BRWD3: variants seen among roughly 807,000 people sequenced by gnomAD.
BRWD3 encodes bromodomain and WD repeat domain containing 3, also known as bromodomain and WD repeat-containing protein 3.
A neutral mutation model predicts 149.7 loss-of-function variants in BRWD3; 10 were observed. The observed-to-expected ratio is 0.07, with a 90% CI of 0.04 to 0.11. The LOEUF is 0.11. Among genes scored for constraint, BRWD3 ranks in the 10% least tolerant of loss-of-function variants. The pLI, the probability that BRWD3 is intolerant of heterozygous loss-of-function variation, is 1.00. For missense variants in BRWD3, 940 were observed against 1,373.2 expected, an observed-to-expected ratio of 0.68 and a Z score of 4.99; for synonymous variants, 504 against 456.7, an observed-to-expected ratio of 1.10 and a Z score of -1.32.
At chrX:80,766,963 C>T (rs1452241052) in intron 6 of BRWD3, among the ~76,000 whole-genome samples, 1 of 112,257 alleles carries the variant, frequency 8.9e-6, no homozygotes, top group African/African-American at 3.2e-5. Context: ...GATTATAGCC[C>T]GCACCTGTCT....
At chrX:80,696,011 A>G (rs772093058) in intron 26 of BRWD3, 21 bp from the exon 27 acceptor site, 4 of 1,072,291 alleles carry the variant, frequency 3.7e-6, no homozygotes, top group Non-Finnish European at 5.2e-6. Flanking sequence ...AATAAAGCAC[A>G]TATGAATCAA....
In BRWD3 at chrX:80,691,862, C is replaced by T; in HGVS notation, c.3442G>A (p.Glu1148Lys). 1 of 1,210,878 alleles carries T rather than the reference C, an allele frequency of 8.3e-7. No homozygotes were observed. The highest frequency in any genetic ancestry group is 1.1e-6 in the Non-Finnish European group (1 of 895,349). Residue 1148 changes from glutamate (E) to lysine (K), a missense_variant, in exon 30 of 41, where the codon GAA becomes AAA. Transcript: ENST00000373275. ...WGAHSRDEEC[E>K]RVIQGINHLL... ...TGGTTGATGCCCTGAATAACCCGTT[C>T]ACATTCTTCGTCTCTGGAATGAGCC...
intron 4 of BRWD3, among the ~76,000 whole-genome samples, chrX:80,802,506 A>C (rs2074311110): frequency 1.8e-5 from 2 of 108,434 alleles, no homozygotes; most frequent in Non-Finnish European, 3.8e-5. Flanking sequence ...TATCTCATCG[A>C]CTAAGAAAAT....
chrX:80,765,640 GTT>G (rs2073850483), intron 6 of BRWD3, among the ~76,000 whole-genome samples: 1 of 111,508 alleles, frequency 9.0e-6, no homozygotes, highest in Admixed American at 9.5e-5. Context: ...GTATAAAACA[GTT>G]TCTTTGCTTT....
At chrX:80,692,754 G>A (rs189394013) in intron 28 of BRWD3, among the ~76,000 whole-genome samples, 186 bp downstream of exon 28, 1 of 111,525 alleles carries the variant, frequency 9.0e-6, no homozygotes, top group Non-Finnish European at 1.9e-5. Flanking sequence ...AGAAAACAAA[G>A]AACTTTGCTT....
chrX:80,704,985 C>T (rs2072841706), intron 22 of BRWD3, 139 bp from the exon 23 acceptor site: 1 of 619,300 alleles, frequency 1.6e-6, no homozygotes, highest in African/African-American at 2.2e-5. Flanking sequence ...GAAAAAATAT[C>T]ATCCAGGCAC....
At chrX:80,709,363 C>A in intron 21 of BRWD3, 65 bp downstream of exon 21, 1 of 1,020,869 alleles carries the variant, frequency 9.8e-7, no homozygotes, top group Non-Finnish European at 1.3e-6. Flanking sequence ...ACCCTTAAAC[C>A]CAAATGGATG....
At chrX:80,749,358 G>C (rs1272885774) in intron 6 of BRWD3, among the ~76,000 whole-genome samples, 2 of 110,875 alleles carry the variant, frequency 1.8e-5, no homozygotes, top group Non-Finnish European at 3.8e-5. Context: ...TATATGCCTT[G>C]TATATTTAGG....
chrX:80,711,892 C>G (rs1355854332), intron 20 of BRWD3, among the ~76,000 whole-genome samples: 2 of 111,514 alleles, frequency 1.8e-5, no homozygotes, highest in East Asian at 5.6e-4. Flanking sequence ...TTGTATAAAT[C>G]CAACCAGTAG....
At chrX:80,700,645 G>A (rs975352128) in intron 24 of BRWD3, among the ~76,000 whole-genome samples, 20 of 105,514 alleles carry the variant, frequency 1.9e-4, no homozygotes, top group Admixed American at 1.2e-3. Context: ...GCTGACGCAG[G>A]AGAATCACTT....
chrX:80,807,034 A>G (rs1395569327), intron 4 of BRWD3, among the ~76,000 whole-genome samples: 1 of 112,302 alleles, frequency 8.9e-6, no homozygotes, highest in Non-Finnish European at 1.9e-5. Context: ...ACAAATGTAA[A>G]GGAAAACATT....
At chrX:80,749,591 C>G (rs2073638947) in intron 6 of BRWD3, among the ~76,000 whole-genome samples, 1 of 111,051 alleles carries the variant, frequency 9.0e-6, no homozygotes, top group Admixed American at 9.6e-5. Flanking sequence ...GATGATGAGT[C>G]TCCTGTAGGC....
intron 8 of BRWD3, among the ~76,000 whole-genome samples, chrX:80,740,791 T>C (rs2073476319): frequency 1.8e-5 from 2 of 111,408 alleles, no homozygotes; most frequent in African/African-American, 3.3e-5. Flanking sequence ...AAACTAAGAA[T>C]AAAAATGTCC....
rs147362505 is a variant in BRWD3, at chrX:80,790,660, G to T, written c.430+1194C>A. The stretch of plus-strand genomic sequence containing the variant: ...AAAAAAAAGCGAGAGAAGGGAAGAA[G>T]GGATAAAGAAAGCCTGTAAACCTAA... On this transcript the variant is annotated intron_variant, in intron 6 of 40. Coordinates refer to ENST00000373275, the MANE Select transcript of BRWD3 (RefSeq NM_153252.5). Among the ~76,000 whole-genome samples the T allele has an allele frequency of 1.2e-3, 133 of 111,457 alleles. No homozygotes were observed. In the East Asian group the frequency reaches 0.034, roughly 29 times the overall value.
chrX:80,730,069 ACT>A (rs2073303946), intron 12 of BRWD3, 49 bp from the exon 13 acceptor site: 1 of 921,079 alleles, frequency 1.1e-6, no homozygotes, highest in Admixed American at 2.3e-5. Context: ...AATGTAAATC[ACT>A]TTTTTTTGAT....
intron 15 of BRWD3, among the ~76,000 whole-genome samples, chrX:80,724,119 G>C (rs1303925317): frequency 9.0e-6 from 1 of 111,726 alleles, no homozygotes; most frequent in Non-Finnish European, 1.9e-5. Context: ...AATACTAAAT[G>C]AGTGACTGTG....
chrX:80,808,418 T>G, intron 4 of BRWD3, 121 bp downstream of exon 4: 1 of 548,635 alleles, frequency 1.8e-6, no homozygotes. Flanking sequence ...GCAGTCGTTC[T>G]TTGGCTCTGC....
chrX:80,680,651 T>G (rs1026725708), intron 40 of BRWD3, among the ~76,000 whole-genome samples: 1 of 111,341 alleles, frequency 9.0e-6, no homozygotes, highest in African/African-American at 3.3e-5. Context: ...GACTCATATT[T>G]TTACTGCAGT....
intron 24 of BRWD3, among the ~76,000 whole-genome samples, chrX:80,701,950 A>G (rs2072797257): frequency 9.0e-6 from 1 of 111,224 alleles, no homozygotes; most frequent in Non-Finnish European, 1.9e-5. Context: ...GAAGAGAAAA[A>G]TAATTTAGGT....
Sources: allele counts gnomAD v4.1 joint callset (sites outside exome capture counted in the v4.1 genomes callset), GRCh38; gene constraint gnomAD v4.1.1; transcripts MANE v1.5; gene names NCBI Gene and HGNC (gene_info 2026-07-23, HGNC 2026-07-21).